Variants in TANC2 observed in about 807,000 individuals in gnomAD.
The protein encoded by TANC2 is tetratricopeptide repeat, ankyrin repeat and coiled-coil containing 2, also known as protein TANC2.
Under a neutral mutation model 210.5 loss-of-function variants are expected in TANC2, and 26 were observed. The ratio of observed to expected loss-of-function variants is 0.12; its 90% confidence interval spans 0.09 to 0.17. The LOEUF (loss-of-function observed/expected upper bound fraction) is 0.17. TANC2 is among the 10% of genes least tolerant of loss of function. The probability of loss-of-function intolerance (pLI) is 1.00; values close to 1 mark genes in which losing one functional copy is unlikely to be tolerated. For missense variants in TANC2, 2,129 were observed against 2,608.9 expected, an observed-to-expected ratio of 0.82 and a Z score of 4.01; for synonymous variants, 931 against 967.1, an observed-to-expected ratio of 0.96 and a Z score of 0.69.
At chr17:63,359,690 CTTG>C (rs2046900443) in intron 14 of TANC2, among the ~76,000 whole-genome samples, 1 of 152,142 alleles carries the variant, frequency 6.6e-6, no homozygotes, top group Non-Finnish European at 1.5e-5. Context: ...ATACAAGAAG[CTTG>C]TTGTGAACTT....
At chr17:63,294,610 CAACA>C (rs2044479060) in intron 9 of TANC2, among the ~76,000 whole-genome samples, 2 of 152,148 alleles carry the variant, frequency 1.3e-5, no homozygotes, top group East Asian at 1.9e-4. Context: ...AAGAATTTTA[CAACA>C]AACACTCATA....
At chr17:63,198,584 G>T (rs1410245010) in intron 6 of TANC2, among the ~76,000 whole-genome samples, 1 of 152,136 alleles carries the variant, frequency 6.6e-6, no homozygotes, top group African/African-American at 2.4e-5. Flanking sequence ...TCTCAGACTG[G>T]GAGTGGGAGG....
At chr17:63,349,494 G>A (rs1349339656) in intron 12 of TANC2, among the ~76,000 whole-genome samples, 3 of 152,164 alleles carry the variant, frequency 2.0e-5, no homozygotes, top group Admixed American at 6.5e-5. Flanking sequence ...GGACAGTGGT[G>A]TGCTGGTAAA....
At chr17:63,398,089 T>C (rs1268893035) in intron 18 of TANC2, among the ~76,000 whole-genome samples, 1 of 152,218 alleles carries the variant, frequency 6.6e-6, no homozygotes. Flanking sequence ...TTTCTCCCTT[T>C]ACTAGTTGCA....
At chr17:63,389,476 C>G in exon 17 of TANC2, 11 of 1,613,764 alleles carry the variant, frequency 6.8e-6, no homozygotes, top group Non-Finnish European at 9.3e-6. Flanking sequence ...TGGCCTGACT[C>G]CCCTGGGATA....
At chr17:63,025,104 TATTAGACA>T (rs1390234831) in intron 2 of TANC2, among the ~76,000 whole-genome samples, 1 of 152,234 alleles carries the variant, frequency 6.6e-6, no homozygotes, top group Admixed American at 6.5e-5. Flanking sequence ...AAAATCACCC[TATTAGACA>T]TTAAATGTAA....
intron 14 of TANC2, among the ~76,000 whole-genome samples, chr17:63,377,558 T>C (rs867393189): frequency 6.6e-6 from 1 of 152,200 alleles, no homozygotes; most frequent in Non-Finnish European, 1.5e-5. Context: ...ATCCTGGACT[T>C]CATTGTCCAT....
chr17:63,319,321 A>C (rs182464542), intron 11 of TANC2, among the ~76,000 whole-genome samples: 18 of 152,288 alleles, frequency 1.2e-4, no homozygotes, highest in Non-Finnish European at 4.4e-5. Context: ...TGAATAAATA[A>C]AGAAGTTGAG....
chr17:63,305,168 G>C (rs1239878907), intron 9 of TANC2: 1 of 152,306 alleles, frequency 6.6e-6, no homozygotes, highest in African/African-American at 2.4e-5. Context: ...TTGAGAATCT[G>C]TGCGGCTCCA....
At chr17:63,411,747 A>G (rs1400531527) in intron 22 of TANC2, 61 bp downstream of exon 22, 2 of 1,545,964 alleles carry the variant, frequency 1.3e-6, no homozygotes, top group African/African-American at 2.7e-5. Context: ...CATCCATACT[A>G]CCTGGGGTTG....
At chr17:63,258,129 A>G (rs1234115590) in intron 8 of TANC2, among the ~76,000 whole-genome samples, 3 of 152,166 alleles carry the variant, frequency 2.0e-5, no homozygotes, top group East Asian at 1.9e-4. Context: ...TGGATACGCT[A>G]TTCTACCATA....
intron 7 of TANC2, 97 bp from the exon 8 acceptor site, chr17:63,237,717 T>C: frequency 7.8e-7 from 1 of 1,280,378 alleles, no homozygotes; most frequent in Non-Finnish European, 1.1e-6. Context: ...TTGAAAATGG[T>C]GTCCTTTCCC....
At chr17:63,022,284 T>C (rs1307956606) in intron 2 of TANC2, among the ~76,000 whole-genome samples, 3 of 147,994 alleles carry the variant, frequency 2.0e-5, no homozygotes, top group Admixed American at 1.4e-4. Context: ...GAGGATGCAG[T>C]GAGCCGAGAT....
chr17:63,409,591 A>C (rs2048625474), intron 21 of TANC2, among the ~76,000 whole-genome samples: 1 of 152,210 alleles, frequency 6.6e-6, no homozygotes, highest in South Asian at 2.1e-4. Context: ...TTGTGTCCTT[A>C]GGTGATTTTG....
intron 1 of TANC2, among the ~76,000 whole-genome samples, chr17:62,986,921 C>T (rs1034748297): frequency 5.9e-5 from 9 of 152,220 alleles, no homozygotes; most frequent in African/African-American, 9.6e-5. Context: ...AGGAGTGTCT[C>T]GAAGAGCTAT....
chr17:63,245,842 C>CA (rs60766720), intron 8 of TANC2, among the ~76,000 whole-genome samples: 19,961 of 91,216 alleles, frequency 0.22, 1,717 homozygotes, highest in Admixed American at 0.25. Flanking sequence ...GACTCCTTAT[C>CA]AAAAAAAAAA....
At chr17:63,109,381 CT>C (rs1412542157) in intron 4 of TANC2, among the ~76,000 whole-genome samples, 1 of 151,518 alleles carries the variant, frequency 6.6e-6, no homozygotes, top group African/African-American at 2.4e-5. Context: ...AGTCACTAAT[CT>C]TTTTATTATA....
At chr17:62,989,795 A>G (rs1295380136) in intron 1 of TANC2, among the ~76,000 whole-genome samples, 2 of 134,522 alleles carry the variant, frequency 1.5e-5, no homozygotes, top group African/African-American at 3.0e-5. Flanking sequence ...TTTTTGAGAC[A>G]GAGTTTCACT....
At chr17:63,002,943 T>C (rs1342939141) in intron 1 of TANC2, among the ~76,000 whole-genome samples, 1 of 152,210 alleles carries the variant, frequency 6.6e-6, no homozygotes, top group Non-Finnish European at 1.5e-5. Flanking sequence ...GTTGTACTAG[T>C]CTTTTCATTA....
Sources: allele counts gnomAD v4.1 joint callset (sites outside exome capture counted in the v4.1 genomes callset), GRCh38; gene constraint gnomAD v4.1.1; transcripts MANE v1.5; gene names NCBI Gene and HGNC (gene_info 2026-07-23, HGNC 2026-07-21).